Variants in LVRN observed in about 807,000 individuals in gnomAD.
LVRN encodes the protein aminopeptidase Q.
Under a neutral mutation model 111.4 loss-of-function variants are expected in LVRN, and 99 were observed. The observed-to-expected ratio is 0.89, with a 90% CI of 0.76 to 1.05. The LOEUF (loss-of-function observed/expected upper bound fraction) is 1.05, where lower values mean the gene tolerates loss of function less well. Among genes scored for constraint, LVRN ranks in the 50% least tolerant of loss-of-function variants. The pLI is 0.00. For synonymous variants in LVRN, 488 were observed against 449.5 expected (o/e 1.09, Z -1.08); for missense variants, 1,414 against 1,206.8 (o/e 1.17, Z -2.54).
At chr5:116,023,145 C>T (rs1748791608) in intron 19 of LVRN, among the ~76,000 whole-genome samples, 1 of 152,170 alleles carries the variant, frequency 6.6e-6, no homozygotes, top group African/African-American at 2.4e-5. Flanking sequence ...GATTTATACC[C>T]CCTCCTCGCC....
Position 115,993,773 on chromosome 5 carries a change from G to A in LVRN, c.1293G>A (p.Trp431Ter). 1 of 1,609,566 alleles carries A rather than the reference G, an allele frequency of 6.2e-7. No individual in the cohort carries two copies. The highest frequency in any genetic ancestry group is 8.5e-7 in the Non-Finnish European group (1 of 1,178,802). ...WFGNLVTMNW[W>*]NNIWLNEGFA... ...GAAACTTGGTTACCATGAATTGGTGGAACAATATCTGGCTCAACGAGGGTT... is the reference window on the plus strand; with the variant it reads ...GAAACTTGGTTACCATGAATTGGTGAAACAATATCTGGCTCAACGAGGGTT... Residue 431 changes from tryptophan (W) to a stop codon, truncating the protein, a stop_gained, in exon 6 of 20, where the codon TGG (tryptophan) becomes TGA (stop). Transcript: ENST00000357872. LOFTEE classifies it high-confidence loss of function.
chr5:116,026,247 G>C lies in LVRN; in HGVS notation c.*129G>C. 5.1e-6 allele frequency: 7 copies of C among 1,362,546 alleles called. No individual in the cohort carries two copies. Among genetic ancestry groups the C allele is most frequent in the Non-Finnish European group, 7.0e-6 (7 of 997,086 alleles). The allele number at this position is 1,362,546 out of a possible 1,614,324, so 84.4% of individuals were successfully genotyped here. On this transcript the variant is annotated 3_prime_UTR_variant, in exon 20 of 20. Transcript: ENST00000357872. ...GTATTTCAGTCACATTTATTACTCAGAGTGCCATTCTTCTCATATTGTCAT... is the reference window on the plus strand; with the variant it reads ...GTATTTCAGTCACATTTATTACTCACAGTGCCATTCTTCTCATATTGTCAT...
chr5:115,962,670 T>C lies in LVRN; in HGVS notation c.53T>C (p.Leu18Pro), dbSNP rs1202607594. Reference protein sequence around the residue: ...GFYVSRAVALLLAGLVAALLL... With the variant: ...GFYVSRAVALPLAGLVAALLL... Reference sequence around the variant, plus strand: ...TATGTGAGCCGCGCAGTGGCCCTGCTGCTGGCTGGGCTGGTAGCCGCCCTC... The same window carrying C: ...TATGTGAGCCGCGCAGTGGCCCTGCCGCTGGCTGGGCTGGTAGCCGCCCTC... The change falls in exon 1 of 20, where the codon CTG becomes CCG. Residue 18 changes from leucine (L) to proline (P), a missense_variant. Coordinates refer to ENST00000357872, the MANE Select transcript of LVRN (RefSeq NM_173800.5). The C allele has an allele frequency of 6.2e-7, 1 of 1,610,382 alleles. No individual in the cohort carries two copies. Among genetic ancestry groups the C allele is most frequent in the Non-Finnish European group, 8.5e-7 (1 of 1,179,526 alleles).
intron 12 of LVRN, among the ~76,000 whole-genome samples, chr5:116,003,884 G>T (rs1488604727): frequency 6.6e-6 from 1 of 152,070 alleles, no homozygotes; most frequent in African/African-American, 2.4e-5. Context: ...CCGGCCAAAT[G>T]TGTTGTGTTT....
chr5:115,981,678 C>T (rs979814033), intron 1 of LVRN, among the ~76,000 whole-genome samples: 12 of 152,100 alleles, frequency 7.9e-5, no homozygotes, highest in African/African-American at 2.9e-4. Context: ...ATTATTCATT[C>T]TTTCTAACTG....
chr5:116,025,706 T>C (rs1053767804), intron 19 of LVRN, among the ~76,000 whole-genome samples: 1 of 152,206 alleles, frequency 6.6e-6, no homozygotes, highest in Admixed American at 6.5e-5. Context: ...TAAATATTCA[T>C]TGAGACTCAA....
At chr5:116,025,829 G>T in intron 19 of LVRN, 149 bp from the exon 20 acceptor site, 1 of 962,196 alleles carries the variant, frequency 1.0e-6, no homozygotes, top group Non-Finnish European at 1.5e-6. Flanking sequence ...AGTCTCCCCA[G>T]GGACACACAA....
intron 10 of LVRN, among the ~76,000 whole-genome samples, chr5:116,002,513 A>G (rs1394468317): frequency 1.3e-5 from 2 of 152,158 alleles, no homozygotes; most frequent in Admixed American, 1.3e-4. Flanking sequence ...CATTTGAACT[A>G]CCCTTGAGTG....
chr5:116,027,023 T>A lies in LVRN; in HGVS notation c.*905T>A, dbSNP rs1000076499. On this transcript the variant is annotated 3_prime_UTR_variant, in exon 20 of 20. Transcript: ENST00000357872. ...AAAAGGCTAACTGGAGCATAATCCT[T>A]ACAGTTTTGCACTCAGGGGATTAAG... 1.3e-5 allele frequency: 2 copies of A among 152,232 alleles called. No individual in the cohort carries two copies. The highest frequency in any genetic ancestry group is 4.8e-5 in the African/African-American group (2 of 41,470). 9.4% of individuals were successfully genotyped at this position (152,232 alleles called of 1,614,324 possible).
At position 116,014,534 on chromosome 5, in the gene LVRN, G is replaced by A. The variant is rs373148173; in HGVS notation, c.2450+7G>A. The A allele has an allele frequency of 1.9e-6, 3 of 1,602,358 alleles. No individual in the cohort carries two copies. The highest frequency in any genetic ancestry group is 2.2e-5 in the East Asian group (1 of 44,810). ...TGGATCATCCAGAAAATGAGTAAGA[G>A]TAATATCATAATTCCTCTTGTTTTT... On this transcript the variant is annotated splice_region_variant and intron_variant, in intron 16 of 19. Coordinates refer to ENST00000357872, the MANE Select transcript of LVRN (RefSeq NM_173800.5).
chr5:115,967,478 A>G (rs1753227749), intron 1 of LVRN, among the ~76,000 whole-genome samples: 1 of 152,200 alleles, frequency 6.6e-6, no homozygotes, highest in Non-Finnish European at 1.5e-5. Flanking sequence ...TGTTCCATCA[A>G]CATAGGTGTT....
Position 116,022,435 on chromosome 5 carries a change from G to A in LVRN, c.2801G>A (p.Arg934Lys), listed in dbSNP as rs370165930. 3.2e-6 allele frequency: 5 copies of A among 1,563,354 alleles called. No individual in the cohort carries two copies. The highest frequency in any genetic ancestry group is 4.4e-6 in the Non-Finnish European group (5 of 1,146,452). ...SLINLIYTIG[R>K]TVTTDLQIVE... is the part of the protein sequence containing the mutation. ...ATTAATCTAATATATACAATAGGGA[G>A]AACCGTAACTACAGATTTACAGATT... is the stretch of plus-strand genomic sequence containing the variant. Residue 934 changes from arginine to lysine, a missense_variant, in exon 19 of 20, where the codon AGA becomes AAA. Arg to Lys is a conservative substitution (Grantham distance 26). Transcript: ENST00000357872.
intron 6 of LVRN, among the ~76,000 whole-genome samples, chr5:115,996,381 A>G (rs892901034): frequency 2.0e-5 from 3 of 152,098 alleles, no homozygotes; most frequent in Admixed American, 2.0e-4. Flanking sequence ...TCTTTTTATC[A>G]TTAGTTTCTT....
chr5:115,984,645 C>G lies in LVRN; in HGVS notation c.914C>G (p.Thr305Ser). ...TTFSTTPHMP[T>S]YLVAFVICDY... ...TTTTCCACTACGCCCCACATGCCAACTTACTTAGTCGCATTTGTTATATGT... is the reference window on the plus strand; with the variant it reads ...TTTTCCACTACGCCCCACATGCCAAGTTACTTAGTCGCATTTGTTATATGT... Residue 305 changes from threonine to serine, a missense_variant, in exon 3 of 20, where the codon ACT (threonine) becomes AGT (serine). Physicochemically the swap from Thr to Ser is moderately conservative, Grantham distance 58 (BLOSUM62 1). Coordinates refer to ENST00000357872, the MANE Select transcript of LVRN (RefSeq NM_173800.5). 1 of 1,613,680 alleles carries G rather than the reference C, an allele frequency of 6.2e-7. No homozygotes were observed. Among genetic ancestry groups the G allele is most frequent in the Non-Finnish European group, 8.5e-7 (1 of 1,179,786 alleles).
intron 12 of LVRN, among the ~76,000 whole-genome samples, chr5:116,004,605 C>G (rs1279104955): frequency 2.0e-5 from 3 of 152,074 alleles, no homozygotes; most frequent in Admixed American, 6.6e-5. Flanking sequence ...TCTCCCCTTT[C>G]TAAGAATATG....
chr5:116,021,848 T>C, intron 18 of LVRN: 1 of 368,000 alleles, frequency 2.7e-6, no homozygotes, highest in South Asian at 2.2e-5. Flanking sequence ...GAGGGGAAGT[T>C]TCCATGACCA....
chr5:116,023,975 G>A (rs1169636351), intron 19 of LVRN, among the ~76,000 whole-genome samples: 1 of 152,186 alleles, frequency 6.6e-6, no homozygotes, highest in Non-Finnish European at 1.5e-5. Context: ...TTTAAAATTT[G>A]TGTAGCAACA....
intron 5 of LVRN, among the ~76,000 whole-genome samples, chr5:115,992,536 C>T (rs1748019983): frequency 6.6e-6 from 1 of 152,178 alleles, no homozygotes; most frequent in East Asian, 1.9e-4. Flanking sequence ...GTTTGCTCCA[C>T]AAAGTCCTCT....
intron 1 of LVRN, 35 bp downstream of exon 1, chr5:115,963,347 C>T (rs752814632): frequency 2.0e-6 from 3 of 1,504,282 alleles, no homozygotes; most frequent in Non-Finnish European, 2.7e-6. Context: ...CCTCTCGGCC[C>T]CCGCCCCTGC....
Sources: gnomAD v4.1 joint callset for allele counts (sites outside exome capture counted in the v4.1 genomes callset) on GRCh38, gnomAD v4.1.1 for gene constraint, MANE v1.5 for transcripts, NCBI Gene and HGNC (gene_info 2026-07-23, HGNC 2026-07-21) for gene names.